The following SLC14A2 variants were observed in gnomAD, a reference collection of about 807,000 sequenced individuals.
The protein encoded by SLC14A2 is urea transporter 2.
A neutral mutation model predicts 104.6 loss-of-function variants in SLC14A2; 91 were observed. The ratio of observed to expected loss-of-function variants is 0.87; its 90% CI spans 0.73 to 1.04. The LOEUF (loss-of-function observed/expected upper bound fraction) is 1.04, where lower values mean the gene tolerates loss of function less well. SLC14A2 is among the 50% of genes least tolerant of loss of function. The pLI, the probability that SLC14A2 is intolerant of heterozygous loss-of-function variation, is 0.00. For missense variants in SLC14A2, 1,189 were observed against 1,156.0 expected, an observed-to-expected ratio of 1.03 and a Z score of -0.41; for synonymous variants, 476 against 466.4, an observed-to-expected ratio of 1.02 and a Z score of -0.27.
chr18:45,492,934 G>T lies in SLC14A2; in HGVS notation c.-35+9612G>T, dbSNP rs111823616. On this transcript the variant is annotated intron_variant, in intron 2 of 20. Transcript: ENST00000586448. ...ATTATCTTGAAGCCCTTGTCTACTC[G>T]CTCTCTTTCCCTTACTGCAGGGATT... 3 of 152,050 alleles carry T rather than the reference G, an allele frequency of 2.0e-5. No homozygotes were observed. The East Asian group carries it at 5.8e-4, about 29-fold the overall frequency. The allele number at this position is 152,050 out of a possible 1,614,324, so 9.4% of individuals were successfully genotyped here.
intron 1 of SLC14A2, among the ~76,000 whole-genome samples, chr18:45,468,734 G>T (rs1280519151): frequency 6.6e-6 from 1 of 152,198 alleles, no homozygotes; most frequent in African/African-American, 2.4e-5. Flanking sequence ...CGTGAAAGAG[G>T]TTAAGGCTTA....
the SLC14A2 span, among the ~76,000 whole-genome samples, chr18:45,185,346 T>C: frequency 6.6e-6 from 1 of 152,206 alleles, no homozygotes; most frequent in African/African-American, 2.4e-5. Flanking sequence ...ATCTAAAGCA[T>C]GAGGCAAAAG....
intron 1 of SLC14A2, among the ~76,000 whole-genome samples, chr18:45,280,639 C>G (rs1458579313): frequency 6.6e-6 from 1 of 152,108 alleles, no homozygotes; most frequent in Non-Finnish European, 1.5e-5. Context: ...GAGCTCTGCT[C>G]CCTGACTCTC....
chr18:45,612,066 T>C (rs1380140097), upstream of SLC14A2, among the ~76,000 whole-genome samples: 1 of 152,230 alleles, frequency 6.6e-6, no homozygotes, highest in East Asian at 1.9e-4. Flanking sequence ...AAGGGGCTCC[T>C]GGCTGTCTCC....
chr18:45,338,551 T>G (rs1283610156), intron 1 of SLC14A2, among the ~76,000 whole-genome samples: 1 of 151,878 alleles, frequency 6.6e-6, no homozygotes, highest in African/African-American at 2.4e-5. Context: ...CATGTATTGA[T>G]TCATGATTTT....
chr18:45,228,221 A>G (rs894425680), intron 1 of SLC14A2, among the ~76,000 whole-genome samples: 2 of 152,226 alleles, frequency 1.3e-5, no homozygotes, highest in Admixed American at 1.3e-4. Flanking sequence ...TGGTTAAAAC[A>G]AGGAGGAAAT....
intron 1 of SLC14A2, among the ~76,000 whole-genome samples, chr18:45,219,914 T>C (rs190486075): frequency 6.6e-6 from 1 of 152,234 alleles, no homozygotes; most frequent in African/African-American, 2.4e-5. Flanking sequence ...CAAATGTAAA[T>C]AGACCACGAA....
At chr18:45,425,880 AG>A (rs2086417962) in intron 1 of SLC14A2, among the ~76,000 whole-genome samples, 1 of 151,508 alleles carries the variant, frequency 6.6e-6, no homozygotes, top group Admixed American at 6.6e-5. Context: ...TTTTAAAGGG[AG>A]GGGGTGGATT....
intron 1 of SLC14A2, among the ~76,000 whole-genome samples, chr18:45,374,069 T>C (rs1213626768): frequency 6.6e-6 from 1 of 152,204 alleles, no homozygotes; most frequent in African/African-American, 2.4e-5. Context: ...ATTTTAGTCC[T>C]CTTAAGATCC....
chr18:45,333,395 T>C (rs556756237), intron 1 of SLC14A2, among the ~76,000 whole-genome samples: 2 of 152,306 alleles, frequency 1.3e-5, no homozygotes, highest in East Asian at 1.9e-4. Context: ...GAAAGAGTCA[T>C]AATACAGGTA....
At chr18:45,222,606 G>C (rs2143996899) in intron 1 of SLC14A2, among the ~76,000 whole-genome samples, 1 of 152,236 alleles carries the variant, frequency 6.6e-6, no homozygotes, top group Non-Finnish European at 1.5e-5. Flanking sequence ...AATGGGGGTT[G>C]GGTACCAGCT....
At chr18:45,192,802 A>T in the SLC14A2 span, among the ~76,000 whole-genome samples, 2 of 151,900 alleles carry the variant, frequency 1.3e-5, no homozygotes, top group Admixed American at 1.3e-4. Flanking sequence ...GACTATAGGC[A>T]TGTGCCACCA....
chr18:45,550,354 C>T (rs1598993184), intron 2 of SLC14A2, among the ~76,000 whole-genome samples: 1 of 152,152 alleles, frequency 6.6e-6, no homozygotes, highest in Non-Finnish European at 1.5e-5. Flanking sequence ...CACTTCCATG[C>T]CCTTGTGCAT....
At position 45,667,958 on chromosome 18, in the gene SLC14A2, G is replaced by A. The variant is rs1342882236; in HGVS notation, c.1843G>A (p.Ala615Thr). 6 of 1,613,970 alleles carry A rather than the reference G, an allele frequency of 3.7e-6. No homozygotes were observed. The highest frequency in any genetic ancestry group is 8.5e-7 in the Non-Finnish European group (1 of 1,180,016). The part of the protein sequence containing the change: ...LGLFIQNPWW[A>T]ISGCLGTIMS... ...CCTCTTCATCCAGAACCCCTGGTGG[G>A]CGATCTCAGGCTGCCTGGGTACCAT... Residue 615 changes from alanine to threonine, a missense_variant, in exon 14 of 20, where the codon GCG becomes ACG. Ala to Thr is a moderately conservative substitution (Grantham distance 58). Coordinates refer to ENST00000255226, the MANE Select transcript of SLC14A2 (RefSeq NM_007163.4).
intron 1 of SLC14A2, among the ~76,000 whole-genome samples, chr18:45,227,267 C>CA (rs1023741504): frequency 1.3e-5 from 2 of 152,030 alleles, no homozygotes; most frequent in Non-Finnish European, 2.9e-5. Context: ...TACTTCACAG[C>CA]AAAAATGTGA....
At chr18:45,559,923 C>G (rs917928252) in intron 2 of SLC14A2, among the ~76,000 whole-genome samples, 6 of 152,216 alleles carry the variant, frequency 3.9e-5, no homozygotes, top group African/African-American at 1.2e-4. Flanking sequence ...ATGTTTGACC[C>G]AAGGTGTCTG....
chr18:45,283,021 T>C (rs538519819), intron 1 of SLC14A2, among the ~76,000 whole-genome samples: 6 of 152,322 alleles, frequency 3.9e-5, no homozygotes, highest in Admixed American at 1.3e-4. Flanking sequence ...ACACATGACA[T>C]GGTCACAGCT....
chr18:45,320,603 T>C lies in SLC14A2; in HGVS notation c.-125+107412T>C, dbSNP rs536528270. On this transcript the variant is annotated intron_variant, in intron 1 of 20. Coordinates refer to the SLC14A2 transcript ENST00000586448. ...CTTGTGATCCTGGTGCCAGGTTTTT[T>C]GAGCCTGGCAGGAGTGGTGAGAGTG... Among the ~76,000 whole-genome samples the C allele has an allele frequency of 3.3e-5, 5 of 152,306 alleles. No individual in the cohort carries two copies. In the East Asian group the frequency reaches 5.8e-4, roughly 18 times the overall value.
At chr18:45,517,762 C>T (rs1042842004) in intron 2 of SLC14A2, among the ~76,000 whole-genome samples, 1 of 152,164 alleles carries the variant, frequency 6.6e-6, no homozygotes, top group Non-Finnish European at 1.5e-5. Context: ...GGAATTCTAC[C>T]TTTGGGACTT....
Sources: allele counts gnomAD v4.1 joint callset (sites outside exome capture counted in the v4.1 genomes callset), GRCh38; gene constraint gnomAD v4.1.1; transcripts MANE v1.5; gene names NCBI Gene and HGNC (gene_info 2026-07-23, HGNC 2026-07-21).